Variants in NSUN6 observed in about 807,000 individuals in gnomAD.
NSUN6 encodes NOP2/Sun RNA methyltransferase 6.
Under a neutral mutation model 58.0 loss-of-function variants are expected in NSUN6, and 64 were observed. The ratio of observed to expected loss-of-function variants is 1.10; its 90% confidence interval spans 0.90 to 1.36. NSUN6 has a LOEUF of 1.36. Among genes scored for constraint, NSUN6 ranks in the 40% most tolerant of loss-of-function variants. The probability of loss-of-function intolerance (pLI) is 0.00; values close to 1 mark genes in which losing one functional copy is unlikely to be tolerated. For synonymous variants in NSUN6, 231 were observed against 193.9 expected, an observed-to-expected ratio of 1.19 and a Z score of -1.59; for missense variants, 701 against 550.1, an observed-to-expected ratio of 1.27 and a Z score of -2.74.
At chr10:18,607,602 T>C (rs189222932) in intron 6 of NSUN6, among the ~76,000 whole-genome samples, 1 of 152,320 alleles carries the variant, frequency 6.6e-6, no homozygotes, top group Admixed American at 6.5e-5. Flanking sequence ...AATATATGAA[T>C]TGCTTAAAGC....
At chr10:18,553,495 A>ATAATG (rs200343343) in intron 8 of NSUN6, among the ~76,000 whole-genome samples, 75 of 141,302 alleles carry the variant, frequency 5.3e-4, no homozygotes, top group East Asian at 1.1e-3. Context: ...AATGGAATGG[A>ATAATG]GAATGGAATG....
At chr10:18,586,391 A>G (rs1371992463) in intron 7 of NSUN6, among the ~76,000 whole-genome samples, 1 of 152,058 alleles carries the variant, frequency 6.6e-6, no homozygotes, top group South Asian at 2.1e-4. Context: ...ATGTGTCTGG[A>G]GTTTCTTCCT....
intron 7 of NSUN6, among the ~76,000 whole-genome samples, chr10:18,587,650 T>C (rs556628425): frequency 3.9e-4 from 59 of 151,906 alleles, no homozygotes; most frequent in African/African-American, 1.4e-3. Context: ...CCAGCAGAAA[T>C]AGGATGGGGC....
intron 3 of NSUN6, among the ~76,000 whole-genome samples, chr10:18,625,608 G>C (rs1210791407): frequency 1.3e-5 from 2 of 151,432 alleles, no homozygotes; most frequent in Non-Finnish European, 2.9e-5. Flanking sequence ...AGCTACTCCG[G>C]AGGGTGAGGC....
At chr10:18,559,001 G>A (rs1466102064) in intron 8 of NSUN6, among the ~76,000 whole-genome samples, 1 of 151,296 alleles carries the variant, frequency 6.6e-6, no homozygotes, top group African/African-American at 2.4e-5. Flanking sequence ...CAATGGAATG[G>A]AAAATGGAAT....
At chr10:18,552,051 A>G (rs1564702048) in intron 8 of NSUN6, 80 bp from the exon 9 acceptor site, 2 of 785,516 alleles carry the variant, frequency 2.5e-6, no homozygotes, top group Non-Finnish European at 2.0e-6. Context: ...GCAGGAATTT[A>G]AAATCATAAT....
intron 3 of NSUN6, among the ~76,000 whole-genome samples, chr10:18,637,997 G>A (rs1259907528): frequency 6.6e-6 from 1 of 152,148 alleles, no homozygotes; most frequent in Non-Finnish European, 1.5e-5. Flanking sequence ...AAAATTGGGA[G>A]GTGGGACAGG....
chr10:18,637,066 G>A (rs550984091), intron 3 of NSUN6, among the ~76,000 whole-genome samples: 15 of 150,302 alleles, frequency 1.0e-4, no homozygotes, highest in African/African-American at 2.2e-4. Context: ...GGGATCAAGC[G>A]AGTCTCCTTC....
At chr10:18,649,791 A>G (rs551130187) in intron 1 of NSUN6, among the ~76,000 whole-genome samples, 11 of 152,326 alleles carry the variant, frequency 7.2e-5, no homozygotes, top group African/African-American at 2.4e-4. Context: ...GACGTTCTCC[A>G]TTTTAAAATC....
chr10:18,591,748 C>T (rs540814789), intron 7 of NSUN6, among the ~76,000 whole-genome samples: 18 of 152,224 alleles, frequency 1.2e-4, no homozygotes, highest in African/African-American at 3.1e-4. Flanking sequence ...GTGACAAACC[C>T]GTAGCCAACA....
At chr10:18,635,759 AC>A (rs1431728202) in intron 3 of NSUN6, among the ~76,000 whole-genome samples, 1 of 151,196 alleles carries the variant, frequency 6.6e-6, no homozygotes, top group Non-Finnish European at 1.5e-5. Flanking sequence ...AACCACTTGA[AC>A]CCGGGAGGCA....
chr10:18,622,895 T>C (rs2058662428), intron 3 of NSUN6, among the ~76,000 whole-genome samples: 1 of 152,216 alleles, frequency 6.6e-6, no homozygotes, highest in Non-Finnish European at 1.5e-5. Flanking sequence ...ATTGAGAGAA[T>C]ACAGAAATTC....
chr10:18,557,322 G>A (rs998756806), intron 8 of NSUN6, among the ~76,000 whole-genome samples: 2 of 151,200 alleles, frequency 1.3e-5, no homozygotes, highest in African/African-American at 4.9e-5. Context: ...CGAAGCGGAT[G>A]GAATGCAGTG....
At chr10:18,635,983 A>C (rs529419516) in intron 3 of NSUN6, among the ~76,000 whole-genome samples, 1 of 151,444 alleles carries the variant, frequency 6.6e-6, no homozygotes, top group South Asian at 2.1e-4. Flanking sequence ...AGGTACTGTT[A>C]CAAGGAGGAA....
intron 6 of NSUN6, among the ~76,000 whole-genome samples, chr10:18,605,084 A>G (rs12773826): frequency 6.6e-6 from 1 of 150,696 alleles, no homozygotes; most frequent in South Asian, 2.1e-4. Context: ...ATGGGGTTTC[A>G]CCGTGTTAGC....
In NSUN6 at chr10:18,651,287, C is replaced by G; in HGVS notation, c.-84G>C. On this transcript the variant is annotated 5_prime_UTR_variant, in exon 1 of 11. Coordinates refer to ENST00000377304, the MANE Select transcript of NSUN6 (RefSeq NM_182543.5). ...TTTTTTCTTTCCGAATTAATAGTGA[C>G]GAGTGTCTTGACACCAGATGCTGAG... 1 of 1,462,324 alleles carries G rather than the reference C, an allele frequency of 6.8e-7. No individual in the cohort carries two copies. The highest frequency in any genetic ancestry group is 2.5e-5 in the East Asian group (1 of 39,488). The allele number at this position is 1,462,324 out of a possible 1,614,324, so 90.6% of individuals were successfully genotyped here. A position where few individuals can be genotyped will look rare whatever the true frequency, so the allele number is the denominator to read the frequency against.
intron 8 of NSUN6, among the ~76,000 whole-genome samples, chr10:18,581,280 A>G (rs372327657): frequency 6.6e-6 from 1 of 152,154 alleles, no homozygotes; most frequent in Admixed American, 6.5e-5. Flanking sequence ...GATACAGAAG[A>G]TCAGTACAAG....
At position 18,596,305 on chromosome 10, in the gene NSUN6, C is replaced by G. The variant is rs909491534; in HGVS notation, c.680G>C (p.Ser227Thr). The change falls in exon 7 of 11, where the codon AGT (serine) becomes ACT (threonine). Residue 227 changes from serine to threonine, a missense_variant. Transcript: ENST00000377304. ...FLQNLPSALV[S>T]HVLNPQPGEK... is the part of the protein sequence containing the mutation. ...TCCAGGTTGAGGATTTAGTACATGACTTACTAAGGCAGATGGCAAATTCTA... is the reference window on the plus strand; with the variant it reads ...TCCAGGTTGAGGATTTAGTACATGAGTTACTAAGGCAGATGGCAAATTCTA... 2 of 1,585,530 alleles carry G rather than the reference C, an allele frequency of 1.3e-6. No individual in the cohort carries two copies. Among genetic ancestry groups the G allele is most frequent in the African/African-American group, 2.7e-5 (2 of 74,374 alleles).
intron 8 of NSUN6, among the ~76,000 whole-genome samples, chr10:18,569,201 CATTCT>C (rs1212714829): frequency 6.7e-6 from 1 of 150,128 alleles, no homozygotes; most frequent in Non-Finnish European, 1.5e-5. Flanking sequence ...CATTCCATTC[CATTCT>C]GCATTCCATT....
Sources: gnomAD v4.1 joint callset for allele counts (sites outside exome capture counted in the v4.1 genomes callset) on GRCh38, gnomAD v4.1.1 for gene constraint, MANE v1.5 for transcripts, NCBI Gene and HGNC (gene_info 2026-07-23, HGNC 2026-07-21) for gene names.